SLIT2: variants seen among roughly 807,000 people sequenced by gnomAD.
The protein encoded by SLIT2 is slit homolog 2 protein.
SLIT2 carries 41 observed loss-of-function variants against 185.7 expected under a neutral mutation model. The ratio of observed to expected loss-of-function variants is 0.22; its 90% CI spans 0.17 to 0.29. SLIT2 has a LOEUF of 0.29. Among genes scored for constraint, SLIT2 ranks in the 10% least tolerant of loss-of-function variants. The probability of loss-of-function intolerance (pLI) is 1.00; values close to 1 mark genes in which losing one functional copy is unlikely to be tolerated. For missense variants in SLIT2, 1,571 were observed against 1,909.0 expected, an observed-to-expected ratio of 0.82 and a Z score of 3.30; for synonymous variants, 693 against 680.2, an observed-to-expected ratio of 1.02 and a Z score of -0.29.
chr4:20,469,960 G>A (rs1194806861), intron 5 of SLIT2, among the ~76,000 whole-genome samples: 3 of 151,572 alleles, frequency 2.0e-5, no homozygotes, highest in Non-Finnish European at 4.4e-5. Flanking sequence ...TCATCATGTT[G>A]GTCAGGCTGG....
intron 4 of SLIT2, among the ~76,000 whole-genome samples, chr4:20,286,197 C>T (rs984723045): frequency 6.6e-6 from 1 of 152,182 alleles, no homozygotes; most frequent in African/African-American, 2.4e-5. Context: ...GTGTAATCCT[C>T]ATGGTAATCT....
Position 20,393,876 on chromosome 4 carries a change from A to G in SLIT2, c.396-73876A>G, listed in dbSNP as rs192540780. Among the ~76,000 whole-genome samples, 90 of 152,160 alleles carry G rather than the reference A, an allele frequency of 5.9e-4. 2 individuals carry two copies. The East Asian group carries it at 9.3e-3, about 16-fold the overall frequency. On this transcript the variant is annotated intron_variant, in intron 4 of 36. Transcript: ENST00000504154. ...TGCCTTGTGAGCCACGTGCATTAAC[A>G]CTGGCTGTATTGGTGATCACAGAGA...
intron 8 of SLIT2, among the ~76,000 whole-genome samples, chr4:20,489,682 G>A (rs1264925235): frequency 6.6e-6 from 1 of 152,216 alleles, no homozygotes; most frequent in African/African-American, 2.4e-5. Flanking sequence ...TACTTGGGAG[G>A]CTGAGGCAGG....
intron 4 of SLIT2, among the ~76,000 whole-genome samples, chr4:20,466,227 A>C (rs557375474): frequency 2.6e-5 from 4 of 152,152 alleles, no homozygotes; most frequent in African/African-American, 9.6e-5. Context: ...ATATATTGTT[A>C]AATATTATTA....
At chr4:20,503,772 C>T (rs568235906) in intron 9 of SLIT2, among the ~76,000 whole-genome samples, 5 of 152,114 alleles carry the variant, frequency 3.3e-5, no homozygotes, top group Admixed American at 1.3e-4. Context: ...AATTTACACT[C>T]GGGAATGTAT....
At chr4:20,615,074 A>C (rs1286906343) in intron 34 of SLIT2, 22 of 152,252 alleles carry the variant, frequency 1.4e-4, no homozygotes, top group Admixed American at 1.4e-3. Flanking sequence ...TGCCTATATC[A>C]AAATGAGCTA....
intron 9 of SLIT2, among the ~76,000 whole-genome samples, chr4:20,500,569 T>A (rs1718637377): frequency 6.6e-6 from 1 of 152,134 alleles, no homozygotes; most frequent in Non-Finnish European, 1.5e-5. Flanking sequence ...CATAGTACTC[T>A]TAAAAAGTGT....
intron 4 of SLIT2, among the ~76,000 whole-genome samples, chr4:20,306,232 T>C (rs947075139): frequency 1.6e-4 from 25 of 152,134 alleles, no homozygotes; most frequent in African/African-American, 6.0e-4. Context: ...TGGAGAAGGA[T>C]GCTGGCATCT....
chr4:20,515,378 C>G (rs1447251819), intron 11 of SLIT2, among the ~76,000 whole-genome samples: 2 of 152,082 alleles, frequency 1.3e-5, no homozygotes, highest in Non-Finnish European at 2.9e-5. Context: ...TGATTTTTCT[C>G]TTTTCCCATT....
At chr4:20,523,680 G>A in intron 12 of SLIT2, 80 bp from the exon 13 acceptor site, 2 of 1,178,298 alleles carry the variant, frequency 1.7e-6, no homozygotes, top group Non-Finnish European at 1.2e-6. Flanking sequence ...TCTTGACTGG[G>A]TTTCCTTAAA....
chr4:20,428,025 C>G (rs1200504449), intron 4 of SLIT2, among the ~76,000 whole-genome samples: 1 of 152,118 alleles, frequency 6.6e-6, no homozygotes, highest in African/African-American at 2.4e-5. Context: ...AAAGTCAGCA[C>G]GTTCATAATT....
chr4:20,491,959 T>A, intron 9 of SLIT2, 60 bp downstream of exon 9: 1 of 1,563,036 alleles, frequency 6.4e-7, no homozygotes, highest in Non-Finnish European at 8.7e-7. Context: ...ACTTTGATTT[T>A]CTTTGGGAAA....
At chr4:20,606,006 C>T (rs916044550) in intron 33 of SLIT2, among the ~76,000 whole-genome samples, 11 of 152,110 alleles carry the variant, frequency 7.2e-5, no homozygotes, top group African/African-American at 2.7e-4. Context: ...ATCTTGGCCT[C>T]CCAAAGTGCT....
intron 4 of SLIT2, among the ~76,000 whole-genome samples, chr4:20,418,713 C>CTT: frequency 6.6e-6 from 1 of 152,264 alleles, no homozygotes; most frequent in East Asian, 1.9e-4. Flanking sequence ...GAGAACAACT[C>CTT]TAAGTTGTCA....
chr4:20,570,712 AATATATATATATATATATGTATATAT>A (rs1725504085), intron 29 of SLIT2, among the ~76,000 whole-genome samples: 1 of 112,314 alleles, frequency 8.9e-6, no homozygotes, highest in African/African-American at 3.4e-5. Flanking sequence ...CAGAACCAGG[AATATATATATATATATATGTATATAT>A]ATATATATAT....
intron 4 of SLIT2, among the ~76,000 whole-genome samples, chr4:20,445,601 G>A (rs986165496): frequency 7.2e-5 from 11 of 152,058 alleles, no homozygotes; most frequent in African/African-American, 2.7e-4. Flanking sequence ...ATCTATTAGG[G>A]CTCCCTACTT....
intron 4 of SLIT2, among the ~76,000 whole-genome samples, chr4:20,465,974 T>G (rs1197403658): frequency 1.3e-5 from 2 of 151,838 alleles, no homozygotes; most frequent in African/African-American, 4.8e-5. Flanking sequence ...CTTTTTTTTT[T>G]TTGTCTTTGA....
chr4:20,495,190 G>A (rs865923695), intron 9 of SLIT2, among the ~76,000 whole-genome samples: 18 of 152,194 alleles, frequency 1.2e-4, no homozygotes, highest in African/African-American at 2.4e-4. Context: ...TAGATAAGCC[G>A]CAGTTTGAAT....
intron 29 of SLIT2, chr4:20,573,174 C>T: frequency 2.8e-6 from 2 of 702,708 alleles, no homozygotes; most frequent in Non-Finnish European, 5.2e-6. Flanking sequence ...GCTTCCTGTG[C>T]TCTGCTGTTG....
Sources: gnomAD v4.1 joint callset for allele counts (sites outside exome capture counted in the v4.1 genomes callset) on GRCh38, gnomAD v4.1.1 for gene constraint, MANE v1.5 for transcripts, NCBI Gene and HGNC (gene_info 2026-07-23, HGNC 2026-07-21) for gene names.